PRKG1: variants seen among roughly 807,000 people sequenced by gnomAD.
PRKG1 encodes the protein cGMP-dependent protein kinase 1.
In PRKG1, 35 loss-of-function variants were observed where a neutral mutation model predicts 88.1. The ratio of observed to expected loss-of-function variants is 0.40; its 90% CI spans 0.30 to 0.53. The LOEUF (loss-of-function observed/expected upper bound fraction) is 0.53. PRKG1 is among the 20% of genes least tolerant of loss of function. PRKG1 has a pLI of 0.59. For synonymous variants in PRKG1, 303 were observed against 292.5 expected (o/e 1.04, Z -0.37); for missense variants, 540 against 839.8 (o/e 0.64, Z 4.41).
rs1422194230 is a variant in PRKG1 at position 52,280,943 on chromosome 10, C to T, written c.1545+13C>T. 1 of 1,609,854 alleles carries T rather than the reference C, an allele frequency of 6.2e-7. No individual in the cohort carries two copies. Among genetic ancestry groups the T allele is most frequent in the South Asian group, 1.1e-5 (1 of 90,518 alleles). ...TTATGCCAAACTGGTCAGTGCATTT[C>T]ATACGTGCTTTCTGCCCTGCAGATT... On this transcript the variant is annotated intron_variant, in intron 13 of 17. Coordinates refer to ENST00000373980, the MANE Select transcript of PRKG1 (RefSeq NM_006258.4).
At chr10:51,566,199 G>A (rs770108987) in intron 3 of PRKG1, among the ~76,000 whole-genome samples, 11 of 152,056 alleles carry the variant, frequency 7.2e-5, no homozygotes, top group Non-Finnish European at 1.2e-4. Context: ...TCTCTCCAGG[G>A]ATAAGACTTG....
intron 3 of PRKG1, among the ~76,000 whole-genome samples, chr10:51,468,346 G>A (rs1255907625): frequency 1.3e-5 from 2 of 151,722 alleles, no homozygotes; most frequent in Non-Finnish European, 3.0e-5. Flanking sequence ...GCCCTCAGCT[G>A]CTCATCAAGC....
chr10:51,528,698 C>G (rs563350700), intron 3 of PRKG1, among the ~76,000 whole-genome samples: 1 of 152,094 alleles, frequency 6.6e-6, no homozygotes, highest in Non-Finnish European at 1.5e-5. Context: ...GGTGGCATAA[C>G]TCTTGCAGAG....
At chr10:51,971,377 A>T (rs1843710880) in intron 5 of PRKG1, among the ~76,000 whole-genome samples, 2 of 152,032 alleles carry the variant, frequency 1.3e-5, no homozygotes, top group Non-Finnish European at 2.9e-5. Flanking sequence ...ATATATCTGT[A>T]CTCATTTTAA....
intron 5 of PRKG1, among the ~76,000 whole-genome samples, chr10:52,021,040 G>A (rs1845170809): frequency 6.6e-6 from 1 of 152,066 alleles, no homozygotes; most frequent in Admixed American, 6.6e-5. Flanking sequence ...GACCTCTCCT[G>A]CCCCACTCAT....
intron 5 of PRKG1, among the ~76,000 whole-genome samples, chr10:51,970,335 A>G (rs1240569386): frequency 6.6e-6 from 1 of 151,842 alleles, no homozygotes; most frequent in Non-Finnish European, 1.5e-5. Flanking sequence ...AGGATCAAGT[A>G]TTACATTTAG....
At chr10:51,211,928 G>GCTAA (rs1437224925) in intron 2 of PRKG1, among the ~76,000 whole-genome samples, 1 of 152,124 alleles carries the variant, frequency 6.6e-6, no homozygotes, top group Non-Finnish European at 1.5e-5. Context: ...TCCCCATCAA[G>GCTAA]CTAACAATGA....
At chr10:51,107,464 G>T (rs1013158765) in intron 1 of PRKG1, among the ~76,000 whole-genome samples, 1 of 152,066 alleles carries the variant, frequency 6.6e-6, no homozygotes, top group African/African-American at 2.4e-5. Flanking sequence ...GATCAGATTA[G>T]AAATTGATGT....
chr10:51,228,814 G>A (rs997933301), intron 2 of PRKG1, among the ~76,000 whole-genome samples: 6 of 152,240 alleles, frequency 3.9e-5, no homozygotes, highest in East Asian at 1.9e-4. Context: ...CCACTTTGCC[G>A]AAGATAATAC....
chr10:52,191,243 A>G (rs952636677), intron 9 of PRKG1, among the ~76,000 whole-genome samples: 1 of 151,898 alleles, frequency 6.6e-6, no homozygotes, highest in Non-Finnish European at 1.5e-5. Context: ...GCCTAGACCT[A>G]CTGGGCTCAA....
intron 2 of PRKG1, among the ~76,000 whole-genome samples, chr10:51,373,036 A>G (rs938128279): frequency 6.6e-6 from 1 of 152,158 alleles, no homozygotes; most frequent in Non-Finnish European, 1.5e-5. Context: ...GGGTTATTTT[A>G]GCATCTTAAA....
chr10:51,532,246 A>G (rs1463647557), intron 3 of PRKG1, among the ~76,000 whole-genome samples: 8 of 152,202 alleles, frequency 5.3e-5, no homozygotes, highest in African/African-American at 1.9e-4. Flanking sequence ...GTTGTGGTTT[A>G]TAAAGTGCTA....
intron 2 of PRKG1, among the ~76,000 whole-genome samples, chr10:51,258,871 G>T (rs1839631749): frequency 6.6e-6 from 1 of 152,222 alleles, no homozygotes. Context: ...TCCAGGAGAT[G>T]CATTGTGGAT....
intron 5 of PRKG1, among the ~76,000 whole-genome samples, chr10:52,000,697 GT>G (rs1338004519): frequency 5.3e-5 from 8 of 151,724 alleles, no homozygotes; most frequent in East Asian, 1.9e-4. Context: ...ACACCATAGG[GT>G]TTTTTTCTTT....
chr10:51,174,294 T>C (rs928306530), intron 2 of PRKG1, among the ~76,000 whole-genome samples: 6 of 152,130 alleles, frequency 3.9e-5, no homozygotes, highest in African/African-American at 7.2e-5. Flanking sequence ...AATGCCTTCC[T>C]GCAAGGGTGC....
chr10:51,909,066 T>C (rs553910703), intron 5 of PRKG1: 1 of 152,110 alleles, frequency 6.6e-6, no homozygotes, highest in Non-Finnish European at 1.5e-5. Context: ...ACTGAAAAGC[T>C]TTACCATTGC....
At chr10:51,392,853 TG>T (rs1837454874) in intron 2 of PRKG1, among the ~76,000 whole-genome samples, 1 of 131,054 alleles carries the variant, frequency 7.6e-6, no homozygotes, top group East Asian at 2.5e-4. Context: ...CTGGCCGGGC[TG>T]GGGGCTGACC....
intron 2 of PRKG1, among the ~76,000 whole-genome samples, chr10:51,257,727 G>A (rs1251768357): frequency 1.3e-5 from 2 of 151,976 alleles, no homozygotes; most frequent in Non-Finnish European, 2.9e-5. Context: ...TAACTACCAG[G>A]ATTCAGTCTG....
intron 3 of PRKG1, among the ~76,000 whole-genome samples, chr10:51,589,004 G>A (rs748749022): frequency 3.3e-5 from 5 of 152,070 alleles, no homozygotes; most frequent in Non-Finnish European, 7.4e-5. Context: ...GGTTATACAT[G>A]TTAAGTGTGA....
Sources: gnomAD v4.1 joint callset for allele counts (sites outside exome capture counted in the v4.1 genomes callset) on GRCh38, gnomAD v4.1.1 for gene constraint, MANE v1.5 for transcripts, NCBI Gene and HGNC (gene_info 2026-07-23, HGNC 2026-07-21) for gene names.